The following ZBTB46 variants were observed in gnomAD, a reference collection of about 807,000 sequenced individuals.
ZBTB46 encodes zinc finger and BTB domain containing 46.
A neutral mutation model predicts 44.1 loss-of-function variants in ZBTB46; 8 were observed. The observed-to-expected ratio is 0.18, with a 90% confidence interval of 0.11 to 0.33. ZBTB46 has a LOEUF of 0.33. ZBTB46 is among the 10% of genes least tolerant of loss of function. The pLI, the probability that ZBTB46 is intolerant of heterozygous loss-of-function variation, is 1.00. For missense variants in ZBTB46, 651 were observed against 847.7 expected (o/e 0.77, Z 2.88); for synonymous variants, 409 against 382.3 (o/e 1.07, Z -0.81).
chr20:63,814,873 C>T (rs1198090305), intron 1 of ZBTB46: 1 of 152,486 alleles, frequency 6.6e-6, no homozygotes, highest in Non-Finnish European at 1.5e-5. Flanking sequence ...TAGTTGCTAC[C>T]CTTCATTTTC....
intron 3 of ZBTB46, among the ~76,000 whole-genome samples, chr20:63,766,682 C>T (rs2092323420): frequency 6.6e-6 from 1 of 152,224 alleles, no homozygotes; most frequent in African/African-American, 2.4e-5. Context: ...GCGCGGTCAC[C>T]TTTGGTAAAA....
intron 3 of ZBTB46, among the ~76,000 whole-genome samples, chr20:63,774,706 T>G (rs1023620258): frequency 1.8e-4 from 10 of 54,978 alleles, no homozygotes; most frequent in Non-Finnish European, 4.1e-4. Context: ...TTGTTTTTTT[T>G]TTTGTTTTTT....
intron 2 of ZBTB46, 30 bp downstream of exon 2, chr20:63,789,791 C>G (rs1293920109): frequency 6.3e-7 from 1 of 1,578,836 alleles, no homozygotes; most frequent in Non-Finnish European, 8.6e-7. Context: ...ACTGGGGCAG[C>G]TGAGCCCCCG....
intron 2 of ZBTB46, among the ~76,000 whole-genome samples, chr20:63,784,325 G>A (rs761666465): frequency 6.6e-6 from 1 of 152,204 alleles, no homozygotes; most frequent in Non-Finnish European, 1.5e-5. Flanking sequence ...GAGCAGACAG[G>A]AGGCTTGCAG....
intron 3 of ZBTB46, among the ~76,000 whole-genome samples, chr20:63,765,400 T>C (rs1464886397): frequency 6.6e-6 from 1 of 152,176 alleles, no homozygotes; most frequent in African/African-American, 2.4e-5. Flanking sequence ...CCACCTGCAC[T>C]GGCCCCCTTC....
Position 63,746,960 on chromosome 20 carries a change from G to T in ZBTB46, c.1740C>A (p.Gly580=). 6.3e-7 allele frequency: 1 copy of T among 1,588,210 alleles called. No homozygotes were observed. Among genetic ancestry groups the T allele is most frequent in the Non-Finnish European group, 8.5e-7 (1 of 1,170,784 alleles). The change falls in exon 5 of 5, where the codon GGC becomes GGA. Residue 580 remains glycine (G), a synonymous_variant. Transcript: ENST00000245663. ...AGAGCCAGGCGAAGTCCTTGTCAGG[G>T]CCTCCTGGGGGGCTGCGCGGCCGCG... ...DSPRPRSPPG[G]PDKDFAWLS
chr20:63,821,082 G>A (rs1489278886), intron 1 of ZBTB46, among the ~76,000 whole-genome samples: 3 of 151,644 alleles, frequency 2.0e-5, no homozygotes, highest in African/African-American at 4.9e-5. Context: ...TAGTAGAGAC[G>A]GGGTTTCACC....
intron 1 of ZBTB46, among the ~76,000 whole-genome samples, chr20:63,799,308 G>A (rs190173624): frequency 6.6e-6 from 1 of 151,842 alleles, no homozygotes; most frequent in Admixed American, 6.6e-5. Flanking sequence ...CCAAAGTTCT[G>A]GGACTACAGG....
Position 63,764,435 on chromosome 20 carries a change from C to CA in ZBTB46, c.1222+11242dup, listed in dbSNP as rs56731235. ...TAGGTGACTGAGCGAGGCCCTGTCT[C>CA]AAAAAAAAAAAAAATTGTGATGAAT... On this transcript the variant is annotated intron_variant, in intron 3 of 4. Coordinates refer to ENST00000245663, the MANE Select transcript of ZBTB46 (RefSeq NM_001369741.1). Among the ~76,000 whole-genome samples, 564 of 139,880 alleles carry CA rather than the reference C, an allele frequency of 4.0e-3. 3 individuals are homozygous for CA. Among genetic ancestry groups the CA allele is most frequent in the African/African-American group, 0.012 (473 of 38,582 alleles). 91.8% of individuals were successfully genotyped at this position (139,880 alleles called of 152,430 possible).
intron 2 of ZBTB46, among the ~76,000 whole-genome samples, chr20:63,786,799 C>T (rs537571480): frequency 1.9e-4 from 29 of 152,236 alleles, no homozygotes; most frequent in South Asian, 6.2e-4. Context: ...CGTGAGCCAC[C>T]CCGCCCGGCC....
intron 3 of ZBTB46, among the ~76,000 whole-genome samples, chr20:63,771,062 C>A (rs73916643): frequency 0.12 from 11,937 of 102,882 alleles, 592 homozygotes; most frequent in African/African-American, 0.18. Context: ...CCACGCCGCT[C>A]GAACCACAGC....
At chr20:63,831,315 C>CGCGCGG (rs1343647363), upstream of ZBTB46, 1 of 137,950 alleles carries the variant, frequency 7.2e-6, no homozygotes, top group East Asian at 2.3e-4. Flanking sequence ...CGCGCGCGCG[C>CGCGCGG]CCCGCCCGCG....
chr20:63,816,032 CACAGGTGCGGTGGGT>C (rs1329582199), intron 1 of ZBTB46, among the ~76,000 whole-genome samples: 10 of 129,718 alleles, frequency 7.7e-5, no homozygotes, highest in African/African-American at 9.2e-5. Flanking sequence ...CGCAGGTGGG[CACAGGTGCGGTGGGT>C]GCAGGTGCGG....
chr20:63,747,018 A>G lies in ZBTB46; in HGVS notation c.1682T>C (p.Leu561Pro), dbSNP rs772510202. 2.5e-6 allele frequency: 4 copies of G among 1,608,222 alleles called. No individual in the cohort carries two copies. The highest frequency in any genetic ancestry group is 3.4e-6 in the Non-Finnish European group (4 of 1,179,578). The change falls in exon 5 of 5, where the codon CTG (leucine) becomes CCG (proline). Residue 561 changes from leucine to proline, a missense_variant. This residue lies in a region of ZBTB46 where 106 missense variants were observed against 81.0 expected (regional missense o/e 1.31). Transcript: ENST00000245663. Reference protein sequence around the residue: ...DDEGLAPEDALLADDKDEEDS... With the variant: ...DDEGLAPEDAPLADDKDEEDS... ...TTCCTCATCCTTGTCGTCCGCCAAC[A>G]GCGCATCCTCAGGGGCCAGGCCCTC...
At chr20:63,760,999 C>CT (rs372831458) in intron 3 of ZBTB46, among the ~76,000 whole-genome samples, 2,604 of 127,868 alleles carry the variant, frequency 0.02, 103 homozygotes, top group African/African-American at 0.064. Flanking sequence ...ATTGATAGCT[C>CT]TTTTTTTTTT....
intron 1 of ZBTB46, among the ~76,000 whole-genome samples, chr20:63,804,536 T>C (rs1294658357): frequency 6.6e-6 from 1 of 152,002 alleles, no homozygotes; most frequent in Non-Finnish European, 1.5e-5. Flanking sequence ...CCTGCCCTCC[T>C]CTCAGCCCAG....
chr20:63,810,902 G>A (rs973698206), intron 1 of ZBTB46, among the ~76,000 whole-genome samples: 5 of 152,210 alleles, frequency 3.3e-5, no homozygotes, highest in African/African-American at 1.2e-4. Context: ...TCACTCCTAC[G>A]AGGAGCTCCA....
chr20:63,776,514 G>A (rs2092426948), intron 2 of ZBTB46, among the ~76,000 whole-genome samples: 1 of 152,182 alleles, frequency 6.6e-6, no homozygotes, highest in Non-Finnish European at 1.5e-5. Flanking sequence ...ATACTACCAA[G>A]AAAGTGACGC....
At chr20:63,815,253 G>GAGTGCA in intron 1 of ZBTB46, 1 of 272,070 alleles carries the variant, frequency 3.7e-6, no homozygotes, top group South Asian at 3.1e-5. Flanking sequence ...CAGGTGCAGT[G>GAGTGCA]GGTGCAGGTG....
Sources: gnomAD v4.1 joint callset for allele counts (sites outside exome capture counted in the v4.1 genomes callset) on GRCh38, gnomAD v4.1.1 for gene constraint, gnomAD v4.1.1 regional missense constraint, MANE v1.5 for transcripts, NCBI Gene and HGNC (gene_info 2026-07-23, HGNC 2026-07-21) for gene names.